IGSF3: variants seen among roughly 807,000 people sequenced by gnomAD.
The protein encoded by IGSF3 is glu-Trp-Ile EWI motif-containing protein 3.
IGSF3 carries 23 observed loss-of-function variants against 114.4 expected under a neutral mutation model. That is an observed-to-expected ratio of 0.20 (90% CI 0.14 to 0.28). IGSF3 has a LOEUF of 0.28. IGSF3 is among the 10% of genes least tolerant of loss of function. The pLI, the probability that IGSF3 is intolerant of heterozygous loss-of-function variation, is 1.00. For missense variants in IGSF3, 1,172 were observed against 1,591.5 expected (o/e 0.74, Z 4.48); for synonymous variants, 571 against 645.2 (o/e 0.88, Z 1.74).
intron 2 of IGSF3, among the ~76,000 whole-genome samples, chr1:116,652,750 C>T (rs192311883): frequency 1.3e-5 from 2 of 152,188 alleles, no homozygotes; most frequent in Non-Finnish European, 2.9e-5. Context: ...GGAAAAATGT[C>T]AGGGAACACC....
Position 116,606,799 on chromosome 1 carries a change from G to A in IGSF3, c.1222+1143C>T, listed in dbSNP as rs564620612. Among the ~76,000 whole-genome samples the A allele has an allele frequency of 2.6e-5, 4 of 152,314 alleles. No homozygotes were observed. The South Asian group carries it at 8.3e-4, about 32-fold the overall frequency. ...TAATTTCAGTTGTACAGTATTCAGCGAGCACCTACTCTATGCAAAGCACCA... is the reference window on the plus strand; with the variant it reads ...TAATTTCAGTTGTACAGTATTCAGCAAGCACCTACTCTATGCAAAGCACCA... On this transcript the variant is annotated intron_variant, in intron 5 of 10. Coordinates refer to ENST00000369486, the MANE Select transcript of IGSF3 (RefSeq NM_001007237.3).
At chr1:116,578,152 C>T (rs535461870) in intron 10 of IGSF3, among the ~76,000 whole-genome samples, 46 of 152,292 alleles carry the variant, frequency 3.0e-4, no homozygotes, top group Admixed American at 2.3e-3. Context: ...ATAAACCAGG[C>T]GCCCCAAGAC....
In IGSF3 at chr1:116,596,522, T is replaced by A. The variant is rs1333990677; in HGVS notation, c.2029+3419A>T. On this transcript the variant is annotated intron_variant, in intron 7 of 10. Transcript: ENST00000369486. The surrounding 1 kb of genome is among the most constrained non-coding windows in gnomAD (Gnocchi z 4.1). ...TAAAACTTCTACACCATCAGCAAAC[T>A]GTGTCTTGAGGAACCTCTACCAATG... 6.6e-6 allele frequency among the ~76,000 whole-genome samples: 1 copy of A among 152,188 alleles called. No homozygotes were observed. Among genetic ancestry groups the A allele is most frequent in the East Asian group, 1.9e-4 (1 of 5,202 alleles).
At position 116,662,867 on chromosome 1, in the gene IGSF3, C is replaced by T. The variant is rs1649170834; in HGVS notation, c.43+3417G>A. On this transcript the variant is annotated intron_variant, in intron 2 of 10. Coordinates refer to ENST00000369486, the MANE Select transcript of IGSF3 (RefSeq NM_001007237.3). The surrounding 1 kb of genome is among the most constrained non-coding windows in gnomAD (Gnocchi z 4.3). Reference sequence around the variant, plus strand: ...TCCTCTGCCTTTGATCACTCCAGCCCTGCCTCTGAGGTCACACCCATAGTA... The same window carrying T: ...TCCTCTGCCTTTGATCACTCCAGCCTTGCCTCTGAGGTCACACCCATAGTA... Among the ~76,000 whole-genome samples the T allele has an allele frequency of 6.6e-6, 1 of 152,208 alleles. No homozygotes were observed. The highest frequency in any genetic ancestry group is 1.9e-4 in the East Asian group (1 of 5,196).
chr1:116,578,369 G>C (rs550016452), intron 10 of IGSF3, among the ~76,000 whole-genome samples: 1 of 152,268 alleles, frequency 6.6e-6, no homozygotes, highest in South Asian at 2.1e-4. Context: ...TGGATCACAG[G>C]GTGGTCTATG....
intron 6 of IGSF3, among the ~76,000 whole-genome samples, chr1:116,601,406 C>G (rs1401070284): frequency 1.3e-5 from 2 of 152,204 alleles, no homozygotes; most frequent in African/African-American, 4.8e-5. Context: ...TACTTCCCAG[C>G]TGAGTGACAT....
rs972037132 is a variant in IGSF3, at chr1:116,638,012, G to A, written c.44-21555C>T. ...GTCCTGCCTATAAGTATATCGGATC[G>A]CTCTCCTTCTTGCTGGCATCCACAG... is the stretch of plus-strand genomic sequence containing the variant. On this transcript the variant is annotated intron_variant, in intron 2 of 10. Transcript: ENST00000369486. This position sits in a 1 kb window ranked among gnomAD's most constrained non-coding sequence, Gnocchi z 4.1. Among the ~76,000 whole-genome samples, 6 of 152,218 alleles carry A rather than the reference G, an allele frequency of 3.9e-5. No homozygotes were observed. In the Middle Eastern group the frequency reaches 0.01, roughly 259 times the overall value.
rs4044711 is a variant in IGSF3, at chr1:116,651,967, C to T, written c.43+14317G>A. 0.27 allele frequency among the ~76,000 whole-genome samples: 41,252 copies of T among 152,044 alleles called. 6,015 individuals carry two copies. The highest frequency in any genetic ancestry group is 0.36 in the African/African-American group (15,023 of 41,460). On this transcript the variant is annotated intron_variant, in intron 2 of 10. Transcript: ENST00000369486. This position sits in a 1 kb window ranked among gnomAD's most constrained non-coding sequence, Gnocchi z 4.4. Reference sequence around the variant, plus strand: ...CACACTGGCCAAGCATATAGCAGAACACATCATATATTTGTTAAATGTATT... The same window carrying T: ...CACACTGGCCAAGCATATAGCAGAATACATCATATATTTGTTAAATGTATT...
In IGSF3 at chr1:116,577,357, G is replaced by A. The variant is rs1451363599; in HGVS notation, c.3540C>T (p.Cys1180=). The stretch of plus-strand genomic sequence containing the variant: ...GGATACTGAGAACAGGGGGCTCCAG[G>A]CAAGTAGGGGAGTAGTTGAGGTGTG... ...KEPHLNYSPT[C]LEPPVLSIHP... is the part of the protein sequence containing the mutation. The change falls in exon 11 of 11, where the codon TGC becomes TGT. Residue 1180 remains cysteine (C), a synonymous_variant. Coordinates refer to ENST00000369486, the MANE Select transcript of IGSF3 (RefSeq NM_001007237.3). This position sits in a 1 kb window ranked among gnomAD's most constrained non-coding sequence, Gnocchi z 5.7. The A allele has an allele frequency of 1.2e-6, 2 of 1,614,026 alleles. No homozygotes were observed. The highest frequency in any genetic ancestry group is 1.7e-6 in the Non-Finnish European group (2 of 1,180,018).
Position 116,603,666 on chromosome 1 carries a change from C to G in IGSF3, c.1582G>C (p.Gly528Arg), listed in dbSNP as rs751980735. 1 of 1,613,918 alleles carries G rather than the reference C, an allele frequency of 6.2e-7. No individual in the cohort carries two copies. The highest frequency in any genetic ancestry group is 2.2e-5 in the East Asian group (1 of 44,878). The change falls in exon 6 of 11, where the codon GGG becomes CGG. Residue 528 changes from glycine to arginine, a missense_variant. Physicochemically the swap from Gly to Arg is moderately radical, Grantham distance 125 (BLOSUM62 -2). This residue lies in a region of IGSF3 where 736 missense variants were observed against 1,042.0 expected (regional missense o/e 0.71). Coordinates refer to ENST00000369486, the MANE Select transcript of IGSF3 (RefSeq NM_001007237.3). This position sits in a 1 kb window ranked among gnomAD's most constrained non-coding sequence, Gnocchi z 7.1. ...RAVDGEWQIVGERRASTPISI... is the reference protein window; with the variant it reads ...RAVDGEWQIVRERRASTPISI... Reference sequence around the variant, plus strand: ...ATGGGAGTGCTGGCCCGGCGCTCCCCAACAATCTGCCACTCGCCATCCACT... The same window carrying G: ...ATGGGAGTGCTGGCCCGGCGCTCCCGAACAATCTGCCACTCGCCATCCACT...
intron 7 of IGSF3, among the ~76,000 whole-genome samples, chr1:116,591,869 T>C (rs1410297889): frequency 6.6e-6 from 1 of 152,234 alleles, no homozygotes; most frequent in East Asian, 1.9e-4. Flanking sequence ...TGTTTTCATC[T>C]GCAAAATAAG....
At chr1:116,586,012 T>C (rs1303488265) in intron 8 of IGSF3, among the ~76,000 whole-genome samples, 3 of 152,204 alleles carry the variant, frequency 2.0e-5, no homozygotes, top group African/African-American at 7.2e-5. Flanking sequence ...CATGCCCCGA[T>C]GGCATGCTTG....
chr1:116,581,742 A>G (rs1356335939), intron 9 of IGSF3, among the ~76,000 whole-genome samples: 1 of 152,166 alleles, frequency 6.6e-6, no homozygotes, highest in African/African-American at 2.4e-5. Flanking sequence ...GGACAAGAAC[A>G]TGCTTGAGAA....
Position 116,582,799 on chromosome 1 carries a change from A to C in IGSF3, c.2848+1846T>G, listed in dbSNP as rs1659657881. ...ATGAGGCAAAGACCAAAAAATATAC[A>C]CCAAATTATTAATAGTAGATATTTG... On this transcript the variant is annotated intron_variant, in intron 9 of 10. Transcript: ENST00000369486. The surrounding 1 kb of genome is among the most constrained non-coding windows in gnomAD (Gnocchi z 4.7). Among the ~76,000 whole-genome samples the C allele has an allele frequency of 6.6e-6, 1 of 152,210 alleles. No individual in the cohort carries two copies. Among genetic ancestry groups the C allele is most frequent in the Admixed American group, 6.5e-5 (1 of 15,282 alleles).
In IGSF3 at chr1:116,603,726, G is replaced by C; in HGVS notation, c.1522C>G (p.Gln508Glu). 6.2e-7 allele frequency: 1 copy of C among 1,613,916 alleles called. No individual in the cohort carries two copies. The highest frequency in any genetic ancestry group is 1.3e-5 in the African/African-American group (1 of 75,006). ...CATTCAGTCACATGGCATTCATACT[G>C]GCCCTCGTCCTCCTTCCTGCTGTTG... is the stretch of plus-strand genomic sequence containing the variant. ...IFNSRKEDEG[Q>E]YECHVTEWVR... is the part of the protein sequence containing the mutation. Residue 508 changes from glutamine (Q) to glutamate (E), a missense_variant, in exon 6 of 11, where the codon CAG becomes GAG. Gln to Glu is a conservative substitution (Grantham distance 29). Coordinates refer to ENST00000369486, the MANE Select transcript of IGSF3 (RefSeq NM_001007237.3). The surrounding 1 kb of genome is among the most constrained non-coding windows in gnomAD (Gnocchi z 7.1).
At chr1:116,609,421 G>A (rs1441431806) in intron 4 of IGSF3, among the ~76,000 whole-genome samples, 1 of 151,888 alleles carries the variant, frequency 6.6e-6, no homozygotes, top group East Asian at 1.9e-4. Flanking sequence ...TGCTTAACCA[G>A]GCATGAGGGG....
At position 116,647,744 on chromosome 1, in the gene IGSF3, G is replaced by A. The variant is rs1347803390; in HGVS notation, c.43+18540C>T. On this transcript the variant is annotated intron_variant, in intron 2 of 10. Coordinates refer to ENST00000369486, the MANE Select transcript of IGSF3 (RefSeq NM_001007237.3). The surrounding 1 kb of genome is among the most constrained non-coding windows in gnomAD (Gnocchi z 4.6). ...CGAAAGGCCGACTGACAGACCACTC[G>A]GGTAGCACTTTTTCTGGGATTAAGC... Among the ~76,000 whole-genome samples the A allele has an allele frequency of 2.0e-5, 3 of 152,214 alleles. No individual in the cohort carries two copies. The highest frequency in any genetic ancestry group is 2.9e-5 in the Non-Finnish European group (2 of 68,044).
rs2101381945 is a variant in IGSF3 at position 116,592,926 on chromosome 1, C to T, written c.2030-3822G>A. 6.6e-6 allele frequency among the ~76,000 whole-genome samples: 1 copy of T among 152,274 alleles called. No individual in the cohort carries two copies. ...GAACATTTCAAAAGGTATATGGCCC[C>T]TGAGCTAGGCCCTGAGAAACAAGCA... is the stretch of plus-strand genomic sequence containing the variant. On this transcript the variant is annotated intron_variant, in intron 7 of 10. Coordinates refer to ENST00000369486, the MANE Select transcript of IGSF3 (RefSeq NM_001007237.3). The surrounding 1 kb of genome is among the most constrained non-coding windows in gnomAD (Gnocchi z 4.5).
chr1:116,597,311 C>CTATT (rs1660384358), intron 7 of IGSF3, among the ~76,000 whole-genome samples: 1 of 152,232 alleles, frequency 6.6e-6, no homozygotes, highest in South Asian at 2.1e-4. Context: ...TTTTCCACTT[C>CTATT]TATTTCCCCA....
Sources: allele counts gnomAD v4.1 joint callset (sites outside exome capture counted in the v4.1 genomes callset), GRCh38; gene constraint gnomAD v4.1.1; regional missense constraint gnomAD v4.1.1; non-coding constraint Gnocchi (gnomAD v3.1); transcripts MANE v1.5; gene names NCBI Gene and HGNC (gene_info 2026-07-23, HGNC 2026-07-21).